The following LRRC37A variants were observed in gnomAD, a reference collection of about 807,000 sequenced individuals.
LRRC37A encodes leucine rich repeat containing 37A.
Under a neutral mutation model 35.4 loss-of-function variants are expected in LRRC37A, and 3 were observed. The ratio of observed to expected loss-of-function variants is 0.08; its 90% CI spans 0.04 to 0.22. The LOEUF (loss-of-function observed/expected upper bound fraction) is 0.22, where lower values mean the gene tolerates loss of function less well. LRRC37A is among the 10% of genes least tolerant of loss of function. The pLI, the probability that LRRC37A is intolerant of heterozygous loss-of-function variation, is 1.00. For synonymous variants in LRRC37A, 23 were observed against 215.0 expected (o/e 0.11, Z 7.81); for missense variants, 67 against 565.3 (o/e 0.12, Z 8.94).
chr17:46,334,891 TAAC>T (rs1168748850), intron 10 of LRRC37A: 1 of 131,264 alleles, frequency 7.6e-6, no homozygotes, highest in Non-Finnish European at 1.7e-5. Flanking sequence ...AAGTACAATA[TAAC>T]AACTGTCAAC....
At chr17:46,288,706 C>CTTTTTTTTTTTTT (rs199591277), upstream of LRRC37A, among the ~76,000 whole-genome samples, 2 of 139,042 alleles carry the variant, frequency 1.4e-5, no homozygotes, top group African/African-American at 2.7e-5. Context: ...CTTGTTTTTT[C>CTTTTTTTTTTTTT]TTTTTTTTTT....
the LRRC37A span, among the ~76,000 whole-genome samples, chr17:46,285,656 G>A: frequency 2.1e-3 from 316 of 152,302 alleles, 14 homozygotes; most frequent in East Asian, 0.051. Flanking sequence ...AGTGAGTCAC[G>A]TTAGATTATC....
the LRRC37A span, among the ~76,000 whole-genome samples, chr17:46,253,507 G>C: frequency 6.6e-6 from 1 of 152,210 alleles, no homozygotes; most frequent in Non-Finnish European, 1.5e-5. Flanking sequence ...GGCACCTCGG[G>C]AGGCCGAGGC....
At chr17:46,249,775 G>C in the LRRC37A span, among the ~76,000 whole-genome samples, 8 of 152,220 alleles carry the variant, frequency 5.3e-5, no homozygotes, top group African/African-American at 1.7e-4. Context: ...GGAACTGTCA[G>C]AGCCAGATGG....
the LRRC37A span, among the ~76,000 whole-genome samples, chr17:46,269,350 A>G: frequency 1.3e-5 from 2 of 152,224 alleles, no homozygotes; most frequent in Non-Finnish European, 2.9e-5. Flanking sequence ...GCTGACCAAC[A>G]TGGAAAAACC....
chr17:46,332,702 T>C (rs780619191), intron 10 of LRRC37A, 46 bp downstream of exon 10: 10 of 752,660 alleles, frequency 1.3e-5, no homozygotes, highest in Admixed American at 4.8e-5. Flanking sequence ...AGTCCTGTCT[T>C]TGTGTGGATT....
At chr17:46,270,137 A>C in the LRRC37A span, among the ~76,000 whole-genome samples, 1 of 152,196 alleles carries the variant, frequency 6.6e-6, no homozygotes, top group Non-Finnish European at 1.5e-5. Context: ...CTAAAGAGAG[A>C]CAGGGGAAGG....
At chr17:46,288,062 G>C (rs1378319073), upstream of LRRC37A, among the ~76,000 whole-genome samples, 1 of 152,200 alleles carries the variant, frequency 6.6e-6, no homozygotes. Flanking sequence ...GATTCACCTA[G>C]AGGAATGGAA....
the LRRC37A span, among the ~76,000 whole-genome samples, chr17:46,276,296 T>C: frequency 6.6e-6 from 1 of 152,244 alleles, no homozygotes; most frequent in Non-Finnish European, 1.5e-5. Flanking sequence ...AGCAGATAAA[T>C]ACAGTATTCC....
upstream of LRRC37A, among the ~76,000 whole-genome samples, chr17:46,292,062 T>C (rs1050074790): frequency 7.0e-6 from 1 of 142,346 alleles, no homozygotes; most frequent in Non-Finnish European, 1.5e-5. Flanking sequence ...CCAGGCCCAG[T>C]GGCTCACACC....
chr17:46,298,721 C>A, intron 1 of LRRC37A, among the ~76,000 whole-genome samples: 5 of 87,174 alleles, frequency 5.7e-5, no homozygotes, highest in Non-Finnish European at 6.7e-5. Context: ...AAGACTCCAT[C>A]TCAAAAAAAA....
the LRRC37A span, chr17:46,259,652 C>A: frequency 5.6e-6 from 9 of 1,608,024 alleles, no homozygotes; most frequent in African/African-American, 1.3e-5. Context: ...GCATCCTTGG[C>A]CACCTCATGC....
At chr17:46,267,063 G>T in the LRRC37A span, 3 of 290,538 alleles carry the variant, frequency 1.0e-5, no homozygotes, top group African/African-American at 4.5e-5. Flanking sequence ...AGTCAGCCGC[G>T]CAGGGACGCG....
the LRRC37A span, among the ~76,000 whole-genome samples, chr17:46,282,129 G>T: frequency 5.9e-5 from 9 of 152,020 alleles, no homozygotes; most frequent in South Asian, 1.9e-3. Flanking sequence ...TTGAGACGGA[G>T]TCTCGCTCTG....
the LRRC37A span, among the ~76,000 whole-genome samples, chr17:46,271,164 CTTTTTTTT>C: frequency 7.9e-4 from 96 of 121,288 alleles, no homozygotes; most frequent in African/African-American, 2.9e-3. Context: ...GTAATAGTTT[CTTTTTTTT>C]TTTTTTTTTT....
At chr17:46,279,188 T>C in the LRRC37A span, among the ~76,000 whole-genome samples, 4 of 114,404 alleles carry the variant, frequency 3.5e-5, no homozygotes, top group African/African-American at 7.9e-5. Context: ...TTTTTTCTTT[T>C]TTTTTTTTTT....
At chr17:46,284,761 A>G in the LRRC37A span, among the ~76,000 whole-genome samples, 1 of 152,272 alleles carries the variant, frequency 6.6e-6, no homozygotes, top group Non-Finnish European at 1.5e-5. Context: ...GTGATGTTAG[A>G]TAACATTCAA....
the LRRC37A span, among the ~76,000 whole-genome samples, chr17:46,252,929 ACC>A: frequency 1.5e-5 from 2 of 135,486 alleles, no homozygotes; most frequent in Non-Finnish European, 1.7e-5. Context: ...CGGGGGGCTG[ACC>A]CCCCCACCTC....
upstream of LRRC37A, among the ~76,000 whole-genome samples, chr17:46,290,942 A>G (rs117491902): frequency 4.5e-3 from 691 of 152,324 alleles, 4 homozygotes; most frequent in Non-Finnish European, 7.5e-3. Flanking sequence ...ACCCAGCCCT[A>G]TGCACCAATC....
Sources: allele counts gnomAD v4.1 joint callset (sites outside exome capture counted in the v4.1 genomes callset), GRCh38; gene constraint gnomAD v4.1.1; transcripts MANE v1.5; gene names NCBI Gene and HGNC (gene_info 2026-07-23, HGNC 2026-07-21).